LCT: variants seen among roughly 807,000 people sequenced by gnomAD.
The protein encoded by LCT is lactase, also known as lactase/phlorizin hydrolase.
In LCT, 90 loss-of-function variants were observed where a neutral mutation model predicts 173.0. The ratio of observed to expected loss-of-function variants is 0.52; its 90% CI spans 0.44 to 0.62. The LOEUF (loss-of-function observed/expected upper bound fraction) is 0.62, where lower values mean the gene tolerates loss of function less well. Ranked by LOEUF, LCT falls within the 20% of genes least tolerant of loss-of-function variation. The pLI, the probability that LCT is intolerant of heterozygous loss-of-function variation, is 0.00. For missense variants in LCT, 1,864 were observed against 2,431.4 expected, an observed-to-expected ratio of 0.77 and a Z score of 4.91; for synonymous variants, 853 against 957.6, an observed-to-expected ratio of 0.89 and a Z score of 2.02.
chr2:135,834,249 A>T (rs953077204), intron 1 of LCT, among the ~76,000 whole-genome samples: 1 of 151,834 alleles, frequency 6.6e-6, no homozygotes, highest in Non-Finnish European at 1.5e-5. Context: ...GCAATGGCGC[A>T]GTCTCGGCTC....
Position 135,817,014 on chromosome 2 carries a change from G to A in LCT, c.1707+327C>T, listed in dbSNP as rs1025245165. ...CTCCTGGGTAGGTGGGATCACAGGC[G>A]TGCAACACTATGCCCAGCTAATTTT... On this transcript the variant is annotated intron_variant, in intron 6 of 16. Transcript: ENST00000264162. Among the ~76,000 whole-genome samples the A allele has an allele frequency of 5.9e-5, 9 of 151,778 alleles. No homozygotes were observed. In the East Asian group the frequency reaches 7.8e-4, roughly 13 times the overall value.
chr2:135,790,534 A>T lies in LCT; in HGVS notation c.5335+124T>A. 2 of 679,588 alleles carry T rather than the reference A, an allele frequency of 2.9e-6. No individual in the cohort carries two copies. The highest frequency in any genetic ancestry group is 5.2e-6 in the Non-Finnish European group (2 of 384,248). The allele number at this position is 679,588 out of a possible 1,614,324, so 42.1% of individuals were successfully genotyped here. Reference sequence around the variant, plus strand: ...CCCTAAAGCAAAGCTTAACCCCCACAGGAGCAAGAAGGCTTATCGTTCTCT... The same window carrying T: ...CCCTAAAGCAAAGCTTAACCCCCACTGGAGCAAGAAGGCTTATCGTTCTCT... On this transcript the variant is annotated intron_variant, in intron 15 of 16. Coordinates refer to ENST00000264162, the MANE Select transcript of LCT (RefSeq NM_002299.4). This position sits in a 1 kb window ranked among gnomAD's most constrained non-coding sequence, Gnocchi z 4.1.
Position 135,792,254 on chromosome 2 carries a change from G to C in LCT, c.5112-1373C>G, listed in dbSNP as rs79399285. On this transcript the variant is annotated intron_variant, in intron 14 of 16. Coordinates refer to ENST00000264162, the MANE Select transcript of LCT (RefSeq NM_002299.4). ...TGTAGCCACTCCCTGTCCCCAGCTT[G>C]AGCCCAGGGAAGCCATTCCTGACTT... 9.7e-3 allele frequency among the ~76,000 whole-genome samples: 1,481 copies of C among 152,292 alleles called. 17 individuals are homozygous for C. The highest frequency in any genetic ancestry group is 0.041 in the South Asian group (198 of 4,824).
Position 135,808,921 on chromosome 2 carries a change from G to A in LCT, c.3426C>T (p.Ala1142=), listed in dbSNP as rs141057910. The change falls in exon 8 of 17, where the codon GCC becomes GCT. Residue 1142 remains alanine, a synonymous_variant. Transcript: ENST00000264162. ...KSPGVPRDVE[A]ADRMLQFSLG... is the part of the protein sequence containing the mutation. ...GGGAGAACTGCAGCATTCGGTCAGC[G>A]GCTTCCACATCTCTGGGGACCCCTG... 119 of 1,614,196 alleles carry A rather than the reference G, an allele frequency of 7.4e-5. No homozygotes were observed. The highest frequency in any genetic ancestry group is 6.9e-4 in the African/African-American group (52 of 75,040).
rs148515302 is a variant in LCT at position 135,829,973 on chromosome 2, G to T, written c.721-297C>A. ...ACGCAGTGTTGATGGCTAAATGAAT[G>T]CGTGAAGGAGTGTGTATGCCAGAAA... On this transcript the variant is annotated intron_variant, in intron 2 of 16. Coordinates refer to ENST00000264162, the MANE Select transcript of LCT (RefSeq NM_002299.4). 4.3e-4 allele frequency among the ~76,000 whole-genome samples: 66 copies of T among 152,294 alleles called. No individual in the cohort carries two copies. In the East Asian group the frequency reaches 8.9e-3, roughly 20 times the overall value.
chr2:135,821,895 T>C (rs577714420), intron 5 of LCT, 125 bp downstream of exon 5: 7 of 703,486 alleles, frequency 1.0e-5, no homozygotes, highest in African/African-American at 3.5e-5. Flanking sequence ...ATCAATTGAA[T>C]GGCAATAAAC....
chr2:135,801,825 TG>T (rs1264107195), intron 11 of LCT, among the ~76,000 whole-genome samples: 1 of 151,956 alleles, frequency 6.6e-6, no homozygotes, highest in African/African-American at 2.4e-5. Context: ...CCACCTGTCT[TG>T]GCCTCCCAAA....
intron 1 of LCT, among the ~76,000 whole-genome samples, chr2:135,835,508 A>G (rs1229708935): frequency 1.4e-5 from 1 of 71,030 alleles, no homozygotes; most frequent in African/African-American, 9.3e-5. Flanking sequence ...ATATATATAT[A>G]TATATATATA....
chr2:135,808,961 GC>G lies in LCT; in HGVS notation c.3385del (p.Ala1129GlnfsTer40). Reference protein sequence around the residue: ...VISLSLSTHWAEPKSPGVPRD... With the variant: ...VISLSLSTHWXEPKSPGVPRD... Reference sequence around the variant, plus strand: ...GGGGACCCCTGGTGACTTGGGCTCTGCCCAGTGTGTACTGAGGCTCAGCGAG... The same window carrying G: ...GGGGACCCCTGGTGACTTGGGCTCTGCCAGTGTGTACTGAGGCTCAGCGAG... On this transcript the variant is annotated frameshift_variant, in exon 8 of 17. Transcript: ENST00000264162. LOFTEE classifies it high-confidence loss of function. The G allele has an allele frequency of 6.2e-7, 1 of 1,613,818 alleles. No individual in the cohort carries two copies. The highest frequency in any genetic ancestry group is 8.5e-7 in the Non-Finnish European group (1 of 1,179,768).
intron 3 of LCT, among the ~76,000 whole-genome samples, chr2:135,826,548 A>T (rs1399968614): frequency 6.6e-6 from 1 of 152,112 alleles, no homozygotes; most frequent in Non-Finnish European, 1.5e-5. Context: ...AGCCTGGGTG[A>T]CAGAGCGAGA....
chr2:135,808,198 T>C (rs1291689474), intron 8 of LCT, among the ~76,000 whole-genome samples: 1 of 152,126 alleles, frequency 6.6e-6, no homozygotes, highest in African/African-American at 2.4e-5. Context: ...CATGACAATA[T>C]GAATATTCTG....
intron 14 of LCT, among the ~76,000 whole-genome samples, chr2:135,792,527 A>T (rs1280317640): frequency 6.6e-6 from 1 of 152,144 alleles, no homozygotes; most frequent in Non-Finnish European, 1.5e-5. Context: ...CTGGGGTGAG[A>T]TCTCTGCCCT....
At chr2:135,797,663 C>T (rs1212132896) in intron 13 of LCT, among the ~76,000 whole-genome samples, 2 of 152,186 alleles carry the variant, frequency 1.3e-5, no homozygotes, top group African/African-American at 2.4e-5. Context: ...TGCAGACCAT[C>T]GCCACCTGCT....
rs1447831015 is a variant in LCT, at chr2:135,788,005, C to T, written c.*319G>A. Reference sequence around the variant, plus strand: ...TTTTTGCTCCCTTAACAACCCTTAACAACTCTGAAACTTAAAACAGCCCTG... The same window carrying T: ...TTTTTGCTCCCTTAACAACCCTTAATAACTCTGAAACTTAAAACAGCCCTG... On this transcript the variant is annotated 3_prime_UTR_variant, in exon 17 of 17. Transcript: ENST00000264162. 5.3e-6 allele frequency: 2 copies of T among 374,202 alleles called. No homozygotes were observed. The highest frequency in any genetic ancestry group is 2.5e-5 in the South Asian group (1 of 39,412). 23.2% of individuals were successfully genotyped at this position (374,202 alleles called of 1,614,324 possible).
intron 13 of LCT, 101 bp downstream of exon 13, chr2:135,797,928 T>C (rs2077595556): frequency 1.3e-6 from 1 of 774,942 alleles, no homozygotes; most frequent in African/African-American, 1.7e-5. Context: ...CACATGTAAC[T>C]TCCCAGCAAG....
At chr2:135,799,259 G>A (rs1183171665) in intron 12 of LCT, among the ~76,000 whole-genome samples, 1 of 152,116 alleles carries the variant, frequency 6.6e-6, no homozygotes, top group African/African-American at 2.4e-5. Context: ...TAGTGCCACA[G>A]TTGGCAGACT....
chr2:135,831,478 G>A (rs1022479626), intron 2 of LCT, among the ~76,000 whole-genome samples: 1 of 152,206 alleles, frequency 6.6e-6, no homozygotes, highest in African/African-American at 2.4e-5. Context: ...TAACTGGTCA[G>A]AACTGTGCTT....
At chr2:135,804,180 C>CATGA in intron 10 of LCT, 52 bp from the exon 11 acceptor site, 1 of 1,457,472 alleles carries the variant, frequency 6.9e-7, no homozygotes, top group Non-Finnish European at 9.6e-7. Context: ...CCATGGGAAG[C>CATGA]CCTAGGTTAG....
At chr2:135,795,614 T>G (rs1290667374) in intron 13 of LCT, among the ~76,000 whole-genome samples, 7 of 86,352 alleles carry the variant, frequency 8.1e-5, no homozygotes, top group Non-Finnish European at 2.2e-4. Context: ...CTAATAATAA[T>G]AATAATAATA....
Sources: allele counts gnomAD v4.1 joint callset (sites outside exome capture counted in the v4.1 genomes callset), GRCh38; gene constraint gnomAD v4.1.1; non-coding constraint Gnocchi (gnomAD v3.1); transcripts MANE v1.5; gene names NCBI Gene and HGNC (gene_info 2026-07-23, HGNC 2026-07-21).